The following PRKD1 variants were observed in gnomAD, a reference collection of about 807,000 sequenced individuals.
PRKD1 encodes the protein protein kinase D1.
Under a neutral mutation model 95.9 loss-of-function variants are expected in PRKD1, and 63 were observed. The ratio of observed to expected loss-of-function variants is 0.66; its 90% confidence interval spans 0.54 to 0.81. The LOEUF (loss-of-function observed/expected upper bound fraction) is 0.81, where lower values mean the gene tolerates loss of function less well. PRKD1 is among the 30% of genes least tolerant of loss of function. PRKD1 has a pLI of 0.00. For synonymous variants in PRKD1, 425 were observed against 423.1 expected (o/e 1.00, Z -0.05); for missense variants, 1,048 against 1,165.3 (o/e 0.90, Z 1.47).
chr14:29,794,801 T>C (rs914179761), intron 1 of PRKD1, among the ~76,000 whole-genome samples: 4 of 152,074 alleles, frequency 2.6e-5, no homozygotes, highest in Non-Finnish European at 5.9e-5. Flanking sequence ...GTCTCAAAAA[T>C]AGAAGCCAAA....
intron 7 of PRKD1, among the ~76,000 whole-genome samples, chr14:29,635,370 T>G (rs1309691913): frequency 6.6e-6 from 1 of 152,116 alleles, no homozygotes; most frequent in Non-Finnish European, 1.5e-5. Context: ...TTCCCACCAC[T>G]GCCCCCCGGC....
At chr14:29,607,838 C>T (rs1351868431) in intron 13 of PRKD1, among the ~76,000 whole-genome samples, 2 of 152,112 alleles carry the variant, frequency 1.3e-5, no homozygotes, top group Non-Finnish European at 1.5e-5. Flanking sequence ...TTACTGGTGT[C>T]AGAGATTAGG....
At chr14:29,898,241 T>G (rs1004548943) in intron 1 of PRKD1, among the ~76,000 whole-genome samples, 6 of 152,174 alleles carry the variant, frequency 3.9e-5, no homozygotes, top group Non-Finnish European at 8.8e-5. Flanking sequence ...TATGTATGTT[T>G]CTGATGGTCA....
intron 1 of PRKD1, among the ~76,000 whole-genome samples, chr14:29,911,775 T>C (rs770759631): frequency 6.6e-6 from 1 of 152,206 alleles, no homozygotes; most frequent in Non-Finnish European, 1.5e-5. Flanking sequence ...GTTTCGGAGA[T>C]CAGAAGTCCA....
At chr14:29,712,541 A>G (rs1456257103) in intron 2 of PRKD1, among the ~76,000 whole-genome samples, 1 of 152,180 alleles carries the variant, frequency 6.6e-6, no homozygotes, top group Non-Finnish European at 1.5e-5. Context: ...TAAAGAAGCT[A>G]TCTGGTATAT....
At chr14:29,793,175 A>C (rs1889624759) in intron 1 of PRKD1, among the ~76,000 whole-genome samples, 1 of 152,046 alleles carries the variant, frequency 6.6e-6, no homozygotes, top group South Asian at 2.1e-4. Flanking sequence ...GAGCACTATA[A>C]TTTTATTGAA....
At chr14:29,624,719 G>A (rs1879502959) in intron 12 of PRKD1, among the ~76,000 whole-genome samples, 4 of 152,024 alleles carry the variant, frequency 2.6e-5, no homozygotes, top group Admixed American at 6.6e-5. Flanking sequence ...CACTCTTTCT[G>A]AATTTTAGGT....
intron 1 of PRKD1, among the ~76,000 whole-genome samples, chr14:29,834,992 T>A (rs1333977452): frequency 6.9e-6 from 1 of 145,124 alleles, no homozygotes; most frequent in Non-Finnish European, 1.5e-5. Flanking sequence ...AGACCTGGGT[T>A]TTTTTTTCTC....
At chr14:29,664,532 C>T (rs1314257528) in intron 3 of PRKD1, among the ~76,000 whole-genome samples, 2 of 152,106 alleles carry the variant, frequency 1.3e-5, no homozygotes, top group Admixed American at 6.6e-5. Flanking sequence ...CACAGCAGTC[C>T]GGACAGACAA....
chr14:29,687,099 T>C (rs1883924706), intron 2 of PRKD1, among the ~76,000 whole-genome samples: 1 of 152,036 alleles, frequency 6.6e-6, no homozygotes, highest in East Asian at 1.9e-4. Context: ...GTCTGGTGTC[T>C]GGTATTGTCT....
At chr14:29,745,422 A>G (rs997455805) in intron 1 of PRKD1, among the ~76,000 whole-genome samples, 4 of 152,208 alleles carry the variant, frequency 2.6e-5, no homozygotes, top group African/African-American at 9.6e-5. Context: ...AATAAGTCAC[A>G]ACGTGAGCTG....
chr14:29,814,955 A>G (rs1469781205), intron 1 of PRKD1, among the ~76,000 whole-genome samples: 3 of 152,252 alleles, frequency 2.0e-5, no homozygotes, highest in Admixed American at 2.0e-4. Flanking sequence ...GTCTAAAGGA[A>G]GATGACAGAA....
chr14:29,661,471 G>T (rs1033300075), intron 4 of PRKD1, among the ~76,000 whole-genome samples: 7 of 152,082 alleles, frequency 4.6e-5, no homozygotes, highest in African/African-American at 1.7e-4. Flanking sequence ...TATAGGCATG[G>T]TACTCCCCGT....
At chr14:29,675,569 G>T (rs1298532593) in intron 2 of PRKD1, among the ~76,000 whole-genome samples, 1 of 152,134 alleles carries the variant, frequency 6.6e-6, no homozygotes. Context: ...AAGACAGTGT[G>T]GCGATTCTTC....
At chr14:29,682,617 C>G (rs1454167804) in intron 2 of PRKD1, among the ~76,000 whole-genome samples, 1 of 152,132 alleles carries the variant, frequency 6.6e-6, no homozygotes, top group Non-Finnish European at 1.5e-5. Context: ...AGGAAAGACA[C>G]AGTTTTAGGA....
At chr14:29,714,098 G>C (rs532015933) in intron 2 of PRKD1, among the ~76,000 whole-genome samples, 10 of 152,270 alleles carry the variant, frequency 6.6e-5, no homozygotes, top group African/African-American at 2.4e-4. Flanking sequence ...ATTAAAAGCA[G>C]TCTACAAATT....
intron 13 of PRKD1, among the ~76,000 whole-genome samples, chr14:29,622,173 C>A (rs79019011): frequency 6.6e-6 from 1 of 151,956 alleles, no homozygotes; most frequent in Non-Finnish European, 1.5e-5. Flanking sequence ...ACTCCTATGA[C>A]AATCTAATGC....
intron 1 of PRKD1, among the ~76,000 whole-genome samples, chr14:29,803,909 G>A (rs1890129034): frequency 6.6e-6 from 1 of 152,112 alleles, no homozygotes; most frequent in Admixed American, 6.6e-5. Flanking sequence ...AGTAAGCAGT[G>A]AGCTGAAGAT....
intron 4 of PRKD1, among the ~76,000 whole-genome samples, chr14:29,657,192 CA>C (rs770524299): frequency 2.6e-5 from 4 of 152,076 alleles, no homozygotes; most frequent in Non-Finnish European, 4.4e-5. Context: ...TTTTAAAAGA[CA>C]AGAGGTAGTA....
Sources: gnomAD v4.1 joint callset for allele counts (sites outside exome capture counted in the v4.1 genomes callset) on GRCh38, gnomAD v4.1.1 for gene constraint, MANE v1.5 for transcripts, NCBI Gene and HGNC (gene_info 2026-07-23, HGNC 2026-07-21) for gene names.